The following NPIPB2 variants were observed in gnomAD, a reference collection of about 807,000 sequenced individuals.
NPIPB2 encodes nuclear pore complex-interacting protein family member B2.
NPIPB2 carries 27 observed loss-of-function variants against 30.8 expected under a neutral mutation model. That is an observed-to-expected ratio of 0.88 (90% CI 0.65 to 1.21). The LOEUF is 1.21. NPIPB2 is among the 50% of genes most tolerant of loss of function. The probability of loss-of-function intolerance (pLI) is 0.00; values close to 1 mark genes in which losing one functional copy is unlikely to be tolerated. For missense variants in NPIPB2, 440 were observed against 446.2 expected, an observed-to-expected ratio of 0.99 and a Z score of 0.13; for synonymous variants, 147 against 162.0, an observed-to-expected ratio of 0.91 and a Z score of 0.70.
At chr16:11,945,248 G>C (rs112493710), upstream of NPIPB2, among the ~76,000 whole-genome samples, 1,049 of 152,108 alleles carry the variant, frequency 6.9e-3, 12 homozygotes, top group African/African-American at 0.024. Flanking sequence ...CAATGAGATA[G>C]TGTGTGCTTA....
intron 3 of NPIPB2, 35 bp downstream of exon 3, chr16:11,933,790 A>G: frequency 6.3e-7 from 1 of 1,593,144 alleles, no homozygotes; most frequent in Non-Finnish European, 8.5e-7. Flanking sequence ...GGGCAAACTC[A>G]TTTCCACACT....
intron 2 of NPIPB2, among the ~76,000 whole-genome samples, chr16:11,935,995 A>C (rs1426434057): frequency 7.0e-6 from 1 of 142,226 alleles, no homozygotes. Context: ...TGGAATTGTT[A>C]AAAAGTGGTA....
intron 1 of NPIPB2, among the ~76,000 whole-genome samples, chr16:11,973,643 C>G (rs1270976509): frequency 6.6e-6 from 1 of 152,164 alleles, no homozygotes; most frequent in African/African-American, 2.4e-5. Context: ...TCTCGGCTCA[C>G]TGCAACTTCT....
intron 2 of NPIPB2, among the ~76,000 whole-genome samples, chr16:11,934,226 T>TCACACACACACACACA (rs766087820): frequency 7.0e-4 from 85 of 121,696 alleles, no homozygotes; most frequent in African/African-American, 2.6e-3. Flanking sequence ...TGAGACTCTG[T>TCACACACACACACACA]CACACACACA....
intron 1 of NPIPB2, among the ~76,000 whole-genome samples, chr16:11,951,252 C>T (rs1024331227): frequency 4.0e-5 from 6 of 151,052 alleles, no homozygotes; most frequent in Non-Finnish European, 7.4e-5. Flanking sequence ...GTCAGGAGAT[C>T]GAGACCATCC....
chr16:11,930,404 C>G (rs2054775234), intron 5 of NPIPB2, 46 bp downstream of exon 5: 2 of 1,498,986 alleles, frequency 1.3e-6, no homozygotes, highest in Non-Finnish European at 1.8e-6. Flanking sequence ...AAACAACACT[C>G]CAATGGGCGT....
chr16:11,971,117 A>C (rs1246765906), intron 1 of NPIPB2, among the ~76,000 whole-genome samples: 2 of 150,914 alleles, frequency 1.3e-5, no homozygotes, highest in East Asian at 4.0e-4. Context: ...TTGGCCTCCC[A>C]AAGTGCTGGG....
chr16:11,939,567 A>T (rs2054911614), intron 1 of NPIPB2, among the ~76,000 whole-genome samples: 1 of 133,978 alleles, frequency 7.5e-6, no homozygotes, highest in African/African-American at 2.6e-5. Context: ...CTCAAAAAAA[A>T]AAAAAAAAAA....
In NPIPB2 at chr16:11,941,262, C is replaced by A. The variant is rs1474604053; in HGVS notation, c.63+721G>T. The A allele has an allele frequency of 4.0e-6, 6 of 1,501,850 alleles. 1 individual carries two copies. Among genetic ancestry groups the A allele is most frequent in the Non-Finnish European group, 4.5e-6 (5 of 1,119,828 alleles). The allele number at this position is 1,501,850 out of a possible 1,614,324, so 93.0% of individuals were successfully genotyped here. On this transcript the variant is annotated intron_variant, in intron 1 of 7. Coordinates refer to ENST00000399147, the Ensembl canonical transcript of NPIPB2. ...CCCGCATGTCCTGGTCCTTTCAGGG[C>A]GCCCTGAGGCGGCCAGGACAGAGGT...
intron 1 of NPIPB2, among the ~76,000 whole-genome samples, chr16:11,967,368 C>T (rs1441994422): frequency 6.6e-6 from 1 of 152,066 alleles, no homozygotes; most frequent in Non-Finnish European, 1.5e-5. Context: ...AGCTGTAGTC[C>T]CGACTGCTCT....
intron 1 of NPIPB2, among the ~76,000 whole-genome samples, chr16:11,957,541 G>A (rs142233901): frequency 0.013 from 1,940 of 152,094 alleles, 42 homozygotes; most frequent in African/African-American, 0.044. Flanking sequence ...TGGTCTGCCC[G>A]CCTCAGCCTC....
intron 1 of NPIPB2, among the ~76,000 whole-genome samples, chr16:11,938,009 A>T (rs995570877): frequency 4.6e-5 from 7 of 152,036 alleles, no homozygotes; most frequent in African/African-American, 7.2e-5. Flanking sequence ...CTGATGATCT[A>T]AAAAAAACCT....
chr16:11,937,250 T>C (rs992332806), intron 2 of NPIPB2, among the ~76,000 whole-genome samples: 3 of 152,194 alleles, frequency 2.0e-5, no homozygotes, highest in Non-Finnish European at 4.4e-5. Flanking sequence ...GAATTTCCTA[T>C]TTAAGTGACG....
chr16:11,954,540 A>G (rs2055094310), intron 1 of NPIPB2, among the ~76,000 whole-genome samples: 1 of 151,922 alleles, frequency 6.6e-6, no homozygotes, highest in South Asian at 2.1e-4. Context: ...TTTATGTATA[A>G]TTGAGAAATA....
intron 1 of NPIPB2, chr16:11,966,437 C>T (rs1042741497): frequency 8.0e-6 from 10 of 1,247,798 alleles, no homozygotes; most frequent in East Asian, 2.4e-5. Flanking sequence ...TATTTCACTT[C>T]GTTACAGCCC....
chr16:11,946,911 G>A (rs1245715856), upstream of NPIPB2, among the ~76,000 whole-genome samples: 1 of 151,398 alleles, frequency 6.6e-6, no homozygotes, highest in Non-Finnish European at 1.5e-5. Flanking sequence ...GTAGAGATGG[G>A]GTTTCATCAT....
chr16:11,944,326 C>G (rs2054978755), upstream of NPIPB2, among the ~76,000 whole-genome samples: 1 of 151,660 alleles, frequency 6.6e-6, no homozygotes, highest in Non-Finnish European at 1.5e-5. Flanking sequence ...GCCACCACAC[C>G]CAGCTAATTT....
chr16:11,940,463 A>C (rs62040813), intron 1 of NPIPB2, among the ~76,000 whole-genome samples: 19,519 of 146,412 alleles, frequency 0.13, 1,333 homozygotes, highest in South Asian at 0.21. Flanking sequence ...TATTTTGGCC[A>C]GGCGCGGTGG....
intron 1 of NPIPB2, among the ~76,000 whole-genome samples, chr16:11,965,981 C>T (rs528547624): frequency 4.6e-5 from 7 of 152,134 alleles, no homozygotes; most frequent in African/African-American, 1.7e-4. Flanking sequence ...CATGGTGGCA[C>T]AGGTCTGTAA....
Sources: gnomAD v4.1 joint callset for allele counts (sites outside exome capture counted in the v4.1 genomes callset) on GRCh38, gnomAD v4.1.1 for gene constraint, MANE v1.5 for transcripts, NCBI Gene and HGNC (gene_info 2026-07-23, HGNC 2026-07-21) for gene names.